Variants in USP12 observed in about 807,000 individuals in gnomAD.
USP12 encodes ubiquitin specific peptidase 12, also known as ubiquitin carboxyl-terminal hydrolase 12.
A neutral mutation model predicts 45.5 loss-of-function variants in USP12; 19 were observed. The ratio of observed to expected loss-of-function variants is 0.42; its 90% CI spans 0.29 to 0.61. USP12 has a LOEUF of 0.61. Among genes scored for constraint, USP12 ranks in the 20% least tolerant of loss-of-function variants. The pLI is 0.22. For synonymous variants in USP12, 149 were observed against 148.8 expected (o/e 1.00, Z -0.01); for missense variants, 242 against 447.7 (o/e 0.54, Z 4.15).
chr13:27,076,698 TCA>T (rs1002425819), intron 6 of USP12, among the ~76,000 whole-genome samples: 3 of 152,116 alleles, frequency 2.0e-5, no homozygotes, highest in African/African-American at 7.2e-5. Context: ...AAAATACTCC[TCA>T]CAATTTAAAG....
chr13:27,151,199 C>T (rs1199589535), intron 1 of USP12, among the ~76,000 whole-genome samples: 3 of 151,784 alleles, frequency 2.0e-5, no homozygotes, highest in Admixed American at 6.6e-5. Flanking sequence ...GGCATGGTAG[C>T]GCGCAATTGT....
At chr13:27,106,568 T>C (rs939702613) in intron 2 of USP12, among the ~76,000 whole-genome samples, 3 of 152,122 alleles carry the variant, frequency 2.0e-5, no homozygotes, top group African/African-American at 2.4e-5. Context: ...TATGAAACTA[T>C]AAAAAAGGAA....
At chr13:27,103,955 G>T (rs1395572137) in intron 3 of USP12, among the ~76,000 whole-genome samples, 2 of 152,156 alleles carry the variant, frequency 1.3e-5, no homozygotes, top group African/African-American at 4.8e-5. Flanking sequence ...GAGCCCATGT[G>T]ATAGGTTAAT....
intron 3 of USP12, among the ~76,000 whole-genome samples, chr13:27,102,485 A>G (rs185205640): frequency 1.3e-5 from 2 of 152,296 alleles, no homozygotes; most frequent in African/African-American, 4.8e-5. Flanking sequence ...ATAAAACCCA[A>G]GCTTTAGGCC....
intron 4 of USP12, among the ~76,000 whole-genome samples, chr13:27,092,426 G>C (rs1874360822): frequency 6.6e-6 from 1 of 152,184 alleles, no homozygotes; most frequent in African/African-American, 2.4e-5. Flanking sequence ...TATTGAAGAA[G>C]AACAAAGTCA....
intron 1 of USP12, among the ~76,000 whole-genome samples, chr13:27,127,660 C>G (rs1876304707): frequency 6.6e-6 from 1 of 152,182 alleles, no homozygotes. Context: ...AGATTTCTGG[C>G]AAGTTCTCAA....
intron 1 of USP12, among the ~76,000 whole-genome samples, chr13:27,119,329 C>T (rs1331725456): frequency 6.6e-6 from 1 of 152,176 alleles, no homozygotes; most frequent in Admixed American, 6.5e-5. Flanking sequence ...CATCACTGTA[C>T]TCCCCCACAC....
chr13:27,110,892 G>A (rs570292241), intron 2 of USP12, among the ~76,000 whole-genome samples: 71 of 152,230 alleles, frequency 4.7e-4, no homozygotes, highest in African/African-American at 1.7e-3. Context: ...AACTTCCACC[G>A]AGCAGGGAGA....
chr13:27,163,768 T>TAAAAAAAAAA (rs34384911), intron 1 of USP12, among the ~76,000 whole-genome samples: 1 of 83,298 alleles, frequency 1.2e-5, no homozygotes, highest in Non-Finnish European at 2.3e-5. Context: ...AGACCTGTCT[T>TAAAAAAAAAA]AAAAAAAAAA....
At chr13:27,098,174 G>A (rs2137778693) in intron 3 of USP12, among the ~76,000 whole-genome samples, 1 of 152,054 alleles carries the variant, frequency 6.6e-6, no homozygotes, top group East Asian at 1.9e-4. Flanking sequence ...TCAGATTTCT[G>A]GATTACGGAT....
chr13:27,165,063 T>A (rs1308756699), intron 1 of USP12, among the ~76,000 whole-genome samples: 5 of 152,038 alleles, frequency 3.3e-5, no homozygotes, highest in Non-Finnish European at 1.5e-5. Context: ...TGCTTTTTTT[T>A]TTTTTTAGTA....
chr13:27,113,317 A>G (rs535670006), intron 2 of USP12, among the ~76,000 whole-genome samples: 14 of 152,138 alleles, frequency 9.2e-5, no homozygotes, highest in Non-Finnish European at 1.3e-4. Flanking sequence ...AAAAAATAAA[A>G]ATGTTGAAAA....
At chr13:27,159,907 G>T (rs924667334) in intron 1 of USP12, among the ~76,000 whole-genome samples, 2 of 152,174 alleles carry the variant, frequency 1.3e-5, no homozygotes, top group Admixed American at 1.3e-4. Context: ...AGATGAAAAG[G>T]AAAGAAAGTA....
At chr13:27,166,571 C>T (rs1878355027) in intron 1 of USP12, among the ~76,000 whole-genome samples, 7 of 152,118 alleles carry the variant, frequency 4.6e-5, no homozygotes. Context: ...CTATTAGCCA[C>T]TTATTAGCAA....
chr13:27,170,690 C>T (rs946767226), intron 1 of USP12, among the ~76,000 whole-genome samples: 2 of 152,346 alleles, frequency 1.3e-5, no homozygotes, highest in Admixed American at 1.3e-4. Flanking sequence ...TATTTAAACG[C>T]CCTAGGAAAA....
chr13:27,161,149 C>T (rs1555239813), intron 1 of USP12, among the ~76,000 whole-genome samples: 1 of 152,200 alleles, frequency 6.6e-6, no homozygotes, highest in Non-Finnish European at 1.5e-5. Context: ...AACCATCCTG[C>T]ATATGAGTCT....
intron 2 of USP12, among the ~76,000 whole-genome samples, chr13:27,109,705 G>C (rs1282783475): frequency 6.6e-6 from 1 of 151,988 alleles, no homozygotes; most frequent in East Asian, 1.9e-4. Context: ...ATTAAGGTCA[G>C]GAGCTCAAGA....
chr13:27,123,866 GC>G (rs1876108185), intron 1 of USP12, among the ~76,000 whole-genome samples: 1 of 152,170 alleles, frequency 6.6e-6, no homozygotes, highest in South Asian at 2.1e-4. Flanking sequence ...AGGCAATGGG[GC>G]AAGTATCTCC....
At chr13:27,132,330 A>C (rs1876540734) in intron 1 of USP12, among the ~76,000 whole-genome samples, 1 of 152,248 alleles carries the variant, frequency 6.6e-6, no homozygotes, top group African/African-American at 2.4e-5. Flanking sequence ...AAATGTTAGT[A>C]ACTTCAAACA....
Sources: gnomAD v4.1 joint callset for allele counts (sites outside exome capture counted in the v4.1 genomes callset) on GRCh38, gnomAD v4.1.1 for gene constraint, MANE v1.5 for transcripts, NCBI Gene and HGNC (gene_info 2026-07-23, HGNC 2026-07-21) for gene names.